The following FER variants were observed in gnomAD, a reference collection of about 807,000 sequenced individuals.
FER encodes FER tyrosine kinase.
A neutral mutation model predicts 111.0 loss-of-function variants in FER; 63 were observed. That is an observed-to-expected ratio of 0.57 (90% confidence interval 0.46 to 0.70). The LOEUF (loss-of-function observed/expected upper bound fraction) is 0.70. FER is among the 30% of genes least tolerant of loss of function. The pLI is 0.00. For missense variants in FER, 914 were observed against 954.0 expected (o/e 0.96, Z 0.55); for synonymous variants, 327 against 313.9 (o/e 1.04, Z -0.44).
chr5:108,750,124 G>A (rs987890977), intron 1 of FER, among the ~76,000 whole-genome samples: 1 of 152,088 alleles, frequency 6.6e-6, no homozygotes, highest in South Asian at 2.1e-4. Flanking sequence ...CTTTTCTCCA[G>A]ATATGTTAAG....
intron 16 of FER, among the ~76,000 whole-genome samples, chr5:109,052,952 CT>C (rs537954232): frequency 6.6e-6 from 1 of 152,172 alleles, no homozygotes; most frequent in African/African-American, 2.4e-5. Context: ...TTGAATGCCT[CT>C]TTTACCCATG....
intron 16 of FER, among the ~76,000 whole-genome samples, chr5:109,083,531 T>G (rs1306955770): frequency 6.6e-6 from 1 of 152,080 alleles, no homozygotes; most frequent in Non-Finnish European, 1.5e-5. Flanking sequence ...GAAATCTTGT[T>G]GCATTTTATT....
intron 16 of FER, chr5:109,051,172 T>G: frequency 1.5e-6 from 1 of 663,264 alleles, no homozygotes. Flanking sequence ...TATTCTAATG[T>G]CTTTGTGTTT....
At chr5:108,879,701 A>ATATATATATATATATCTATATATATATAT (rs1554084619) in intron 8 of FER, among the ~76,000 whole-genome samples, 2 of 99,128 alleles carry the variant, frequency 2.0e-5, no homozygotes, top group African/African-American at 9.6e-5. Flanking sequence ...ATTAAAAAAA[A>ATATATATATATATATCTATATATATATAT]ATATATATAT....
intron 17 of FER, among the ~76,000 whole-genome samples, chr5:109,171,675 T>G (rs1757104389): frequency 6.6e-6 from 1 of 152,200 alleles, no homozygotes. Context: ...CACTTCATAG[T>G]CTCAGAATGG....
At chr5:108,764,693 G>A (rs1752122455) in intron 1 of FER, among the ~76,000 whole-genome samples, 1 of 152,062 alleles carries the variant, frequency 6.6e-6, no homozygotes, top group African/African-American at 2.4e-5. Context: ...CACTGCACCT[G>A]GCCGTGGAAA....
intron 1 of FER, among the ~76,000 whole-genome samples, chr5:108,750,856 A>C (rs1168312077): frequency 2.6e-5 from 4 of 152,234 alleles, no homozygotes; most frequent in Admixed American, 1.3e-4. Flanking sequence ...GTTACACAGT[A>C]AACATTAAGG....
intron 1 of FER, among the ~76,000 whole-genome samples, chr5:108,749,657 C>T (rs867878471): frequency 1.3e-5 from 2 of 152,290 alleles, no homozygotes; most frequent in South Asian, 2.1e-4. Context: ...CGGTCTTGGC[C>T]AGAGGTGTCC....
At chr5:109,164,436 C>T (rs573836280) in intron 17 of FER, among the ~76,000 whole-genome samples, 8 of 152,290 alleles carry the variant, frequency 5.3e-5, no homozygotes, top group African/African-American at 1.4e-4. Context: ...TTAATACTTG[C>T]TTCTAATGCT....
At chr5:109,014,689 T>G (rs909772441) in intron 13 of FER, 1 of 152,166 alleles carries the variant, frequency 6.6e-6, no homozygotes, top group South Asian at 2.1e-4. Context: ...GCCATTTTCA[T>G]GATATTGATT....
chr5:108,920,695 G>A lies in FER; in HGVS notation c.1236+22847G>A, dbSNP rs149125239. Among the ~76,000 whole-genome samples the A allele has an allele frequency of 4.1e-3, 629 of 152,104 alleles. 3 individuals carry two copies. The highest frequency in any genetic ancestry group is 0.015 in the African/African-American group (611 of 41,512). ...CCTGGTAAATTCACCATAAATTAAG[G>A]TCTGAACTACTTCAGCCAGTTTACC... On this transcript the variant is annotated intron_variant, in intron 10 of 19. Coordinates refer to ENST00000281092, the MANE Select transcript of FER (RefSeq NM_005246.4).
chr5:109,120,102 G>A (rs1334629041), intron 17 of FER, among the ~76,000 whole-genome samples: 3 of 152,040 alleles, frequency 2.0e-5, no homozygotes, highest in Non-Finnish European at 4.4e-5. Context: ...CTGTGCAGAA[G>A]CTTTTTAACT....
At chr5:109,016,384 C>T (rs1283511692) in intron 13 of FER, among the ~76,000 whole-genome samples, 1 of 151,980 alleles carries the variant, frequency 6.6e-6, no homozygotes, top group Non-Finnish European at 1.5e-5. Flanking sequence ...CACTGTGTAT[C>T]AGCCACTCTG....
At chr5:109,114,525 A>G (rs893947214) in intron 17 of FER, among the ~76,000 whole-genome samples, 4 of 152,038 alleles carry the variant, frequency 2.6e-5, no homozygotes, top group Admixed American at 2.6e-4. Flanking sequence ...AAATGATTGA[A>G]CCCTTGCTCT....
rs181033910 is a variant in FER at position 109,148,282 on chromosome 5, T to G, written c.2049-32465T>G. On this transcript the variant is annotated intron_variant, in intron 17 of 19. Transcript: ENST00000281092. The stretch of plus-strand genomic sequence containing the variant: ...ACAGTTTAGATATAGGAGATTCTTT[T>G]GAGGCATCTTTATTTTTACTTTAAG... Among the ~76,000 whole-genome samples the G allele has an allele frequency of 5.6e-3, 856 of 152,274 alleles. 5 individuals carry two copies. The highest frequency in any genetic ancestry group is 0.014 in the Middle Eastern group (4 of 294).
At position 109,190,285 on chromosome 5, in the gene FER, G is replaced by T. The variant is rs933225415; in HGVS notation, c.*2710G>T. The T allele has an allele frequency of 5.3e-5, 8 of 152,232 alleles. No homozygotes were observed. The highest frequency in any genetic ancestry group is 1.9e-4 in the African/African-American group (8 of 41,556). The allele number at this position is 152,232 out of a possible 1,614,324, so 9.4% of individuals were successfully genotyped here. On this transcript the variant is annotated 3_prime_UTR_variant, in exon 20 of 20. Coordinates refer to ENST00000281092, the MANE Select transcript of FER (RefSeq NM_005246.4). ...CTGTGATTTGTTTAGTAAGAAAAGA[G>T]TTGTAACCAAAATTTCTTCTGGTCC...
At chr5:109,154,226 A>G (rs1456774134) in intron 17 of FER, among the ~76,000 whole-genome samples, 3 of 151,934 alleles carry the variant, frequency 2.0e-5, no homozygotes, top group Admixed American at 2.0e-4. Flanking sequence ...TAGCTATAAC[A>G]GTTACAAACC....
rs56199104 is a variant in FER at position 108,798,371 on chromosome 5, T to C, written c.189T>C (p.Tyr63=). 1,690 of 1,612,732 alleles carry C rather than the reference T, an allele frequency of 1.0e-3. 19 individuals are homozygous for C. The African/African-American group carries it at 0.018, about 17-fold the overall frequency. Residue 63 remains tyrosine (Y), a synonymous_variant, in exon 3 of 20, where the codon TAT becomes TAC. Coordinates refer to ENST00000281092, the MANE Select transcript of FER (RefSeq NM_005246.4). ...AGGAAAGTACTGTCCAAATGAATTATGTCAGCAACGTATCCAAGGTAAGAA... is the reference window on the plus strand; with the variant it reads ...AGGAAAGTACTGTCCAAATGAATTACGTCAGCAACGTATCCAAGGTAAGAA... ...VDKESTVQMN[Y]VSNVSKSWLL...
chr5:109,053,531 A>G (rs910588922), intron 16 of FER, among the ~76,000 whole-genome samples: 2 of 151,984 alleles, frequency 1.3e-5, no homozygotes, highest in East Asian at 1.9e-4. Context: ...GCCAACCACT[A>G]AGGTGCTTTC....
Sources: gnomAD v4.1 joint callset for allele counts (sites outside exome capture counted in the v4.1 genomes callset) on GRCh38, gnomAD v4.1.1 for gene constraint, MANE v1.5 for transcripts, NCBI Gene and HGNC (gene_info 2026-07-23, HGNC 2026-07-21) for gene names.